TRIP12: variants seen among roughly 807,000 people sequenced by gnomAD.
TRIP12 encodes the protein thyroid hormone receptor interactor 12, also known as E3 ubiquitin-protein ligase TRIP12.
In TRIP12, 25 loss-of-function variants were observed where a neutral mutation model predicts 244.2. That is an observed-to-expected ratio of 0.10 (90% CI 0.07 to 0.14). TRIP12 has a LOEUF of 0.14. Among genes scored for constraint, TRIP12 ranks in the 10% least tolerant of loss-of-function variants. TRIP12 has a pLI of 1.00. For missense variants in TRIP12, 1,677 were observed against 2,486.4 expected, an observed-to-expected ratio of 0.67 and a Z score of 6.92; for synonymous variants, 905 against 873.1, an observed-to-expected ratio of 1.04 and a Z score of -0.64.
chr2:229,906,177 C>T (rs985715970), intron 1 of TRIP12, among the ~76,000 whole-genome samples: 1 of 151,400 alleles, frequency 6.6e-6, no homozygotes, highest in Admixed American at 6.6e-5. Context: ...TAGTGGCACA[C>T]GCCTGTGATC....
At chr2:229,914,931 T>C (rs954520482) in intron 1 of TRIP12, among the ~76,000 whole-genome samples, 9 of 152,102 alleles carry the variant, frequency 5.9e-5, no homozygotes, top group East Asian at 3.9e-4. Context: ...CTATTATAAA[T>C]TGGAAACACT....
intron 2 of TRIP12, among the ~76,000 whole-genome samples, chr2:229,878,590 T>G (rs562239065): frequency 4.6e-5 from 7 of 152,010 alleles, no homozygotes; most frequent in African/African-American, 1.7e-4. Context: ...AAAATTTTTT[T>G]TTTTTGAGAC....
intron 4 of TRIP12, among the ~76,000 whole-genome samples, chr2:229,850,427 C>T (rs1235143151): frequency 6.6e-6 from 1 of 152,230 alleles, no homozygotes; most frequent in Non-Finnish European, 1.5e-5. Flanking sequence ...AAAACTGACA[C>T]TCAACCCATT....
rs756954444 is a variant in TRIP12 at position 229,808,335 on chromosome 2, A to G, written c.2256T>C (p.Gly752=). The change falls in exon 16 of 42, where the codon GGT becomes GGC. Residue 752 remains glycine (G), a synonymous_variant. Transcript: ENST00000675903. ...GTTCCTGACAACTTCCATTGGAGGCACCACACAGGAGAAAGTGAAGCGTTT... is the reference window on the plus strand; with the variant it reads ...GTTCCTGACAACTTCCATTGGAGGCGCCACACAGGAGAAAGTGAAGCGTTT... The part of the protein sequence containing the change: ...IAETLHFLLC[G]ASNGSCQEQI... The G allele has an allele frequency of 2.5e-6, 4 of 1,613,684 alleles. No homozygotes were observed. The highest frequency in any genetic ancestry group is 2.2e-5 in the South Asian group (2 of 91,088).
chr2:229,822,100 G>A (rs549529311), intron 8 of TRIP12, among the ~76,000 whole-genome samples: 18 of 152,108 alleles, frequency 1.2e-4, no homozygotes, highest in Non-Finnish European at 2.2e-4. Context: ...AGTTCACGTC[G>A]CTGCACTCCA....
upstream of TRIP12, chr2:229,922,254 G>A (rs115052789): frequency 2.4e-3 from 1,198 of 499,648 alleles, 8 homozygotes; most frequent in African/African-American, 0.02. Flanking sequence ...GATCTACTTG[G>A]TATCCCTCCG....
At chr2:229,849,512 T>A (rs565609) in intron 4 of TRIP12, among the ~76,000 whole-genome samples, 151,101 of 152,186 alleles carry the variant, frequency 0.99, 75,021 homozygotes, top group Middle Eastern at 1. Flanking sequence ...ACACTGAAAC[T>A]TCAAAATAAT....
At chr2:229,866,736 C>T (rs2061562020) in intron 2 of TRIP12, among the ~76,000 whole-genome samples, 2 of 152,106 alleles carry the variant, frequency 1.3e-5, no homozygotes, top group Admixed American at 6.5e-5. Flanking sequence ...AGGTCAGAGT[C>T]TCATAAAACA....
intron 2 of TRIP12, among the ~76,000 whole-genome samples, chr2:229,863,305 T>G (rs952155886): frequency 6.6e-6 from 1 of 151,174 alleles, no homozygotes; most frequent in African/African-American, 2.4e-5. Flanking sequence ...TATTTTAAAG[T>G]GTGATATTCT....
At chr2:229,880,346 C>T (rs578224578) in intron 1 of TRIP12, among the ~76,000 whole-genome samples, 2 of 152,110 alleles carry the variant, frequency 1.3e-5, no homozygotes, top group Admixed American at 6.6e-5. Flanking sequence ...CATGTGGTCC[C>T]GGACTCAGTA....
rs1355119400 is a variant in TRIP12, at chr2:229,791,966, G to A, written c.4315C>T (p.Arg1439Trp). ...PYNMTVYQAV[R>W]QFSIQAEDER... ...TCTTCAGCCTGTATACTAAACTGCC[G>A]TACTGCCTGATACACAGTCATGTTA... Residue 1439 changes from arginine to tryptophan, a missense_variant, in exon 29 of 42, where the codon CGG (arginine) becomes TGG (tryptophan). Coordinates refer to ENST00000675903, the MANE Select transcript of TRIP12 (RefSeq NM_001348323.3). The A allele has an allele frequency of 1.2e-5, 19 of 1,614,032 alleles. No homozygotes were observed. The highest frequency in any genetic ancestry group is 1.5e-5 in the Non-Finnish European group (18 of 1,179,980).
chr2:229,767,453 A>G lies in TRIP12; in HGVS notation c.*101T>C, dbSNP rs2032151465. On this transcript the variant is annotated 3_prime_UTR_variant, in exon 42 of 42. Transcript: ENST00000675903. ...TGCAAGCCGTTTTTCCTACAACAAG[A>G]AGGCGTAACATGTTTCCTTGACTCA... 7.3e-7 allele frequency: 1 copy of G among 1,377,958 alleles called. No homozygotes were observed. Among genetic ancestry groups the G allele is most frequent in the Non-Finnish European group, 9.6e-7 (1 of 1,038,056 alleles). 85.4% of individuals were successfully genotyped at this position (1,377,958 alleles called of 1,614,324 possible). A position where few individuals can be genotyped will look rare whatever the true frequency, so the allele number is the denominator to read the frequency against.
intron 8 of TRIP12, among the ~76,000 whole-genome samples, chr2:229,826,216 A>G (rs2051539729): frequency 6.6e-6 from 1 of 152,140 alleles, no homozygotes; most frequent in Non-Finnish European, 1.5e-5. Flanking sequence ...AAATACTACC[A>G]TTTTGTAACC....
intron 21 of TRIP12, 103 bp downstream of exon 21, chr2:229,802,149 T>C: frequency 2.6e-6 from 2 of 778,904 alleles, no homozygotes; most frequent in Non-Finnish European, 3.7e-6. Context: ...AAATATAATA[T>C]ATATATGCTA....
chr2:229,781,437 G>A (rs1381630162), intron 34 of TRIP12, among the ~76,000 whole-genome samples: 2 of 152,158 alleles, frequency 1.3e-5, no homozygotes, highest in Non-Finnish European at 2.9e-5. Context: ...ACAACATGAG[G>A]AGGCAGCTGC....
intron 2 of TRIP12, among the ~76,000 whole-genome samples, chr2:229,867,150 T>G (rs1234910030): frequency 4.1e-5 from 4 of 98,316 alleles, no homozygotes; most frequent in Non-Finnish European, 8.1e-5. Context: ...ACAGGGAAGG[T>G]TTTTTTTTGT....
chr2:229,813,837 CT>C (rs1331696866), intron 13 of TRIP12, 32 bp downstream of exon 13: 1 of 1,412,114 alleles, frequency 7.1e-7, no homozygotes, highest in Non-Finnish European at 9.4e-7. Context: ...TAATAAAACA[CT>C]TTATGGCACA....
intron 1 of TRIP12, among the ~76,000 whole-genome samples, chr2:229,907,683 A>C (rs1009840598): frequency 3.3e-5 from 5 of 152,200 alleles, no homozygotes; most frequent in African/African-American, 1.2e-4. Context: ...ACATGTCTGC[A>C]GTCTTAGCTA....
chr2:229,893,926 T>G (rs1219562866), intron 1 of TRIP12, among the ~76,000 whole-genome samples: 1 of 152,196 alleles, frequency 6.6e-6, no homozygotes, highest in Non-Finnish European at 1.5e-5. Flanking sequence ...TTACCCGGGC[T>G]GGTCCCAAAC....
Sources: gnomAD v4.1 joint callset for allele counts (sites outside exome capture counted in the v4.1 genomes callset) on GRCh38, gnomAD v4.1.1 for gene constraint, MANE v1.5 for transcripts, NCBI Gene and HGNC (gene_info 2026-07-23, HGNC 2026-07-21) for gene names.